Variants in RADIL observed in about 807,000 individuals in gnomAD.
The protein encoded by RADIL is Rap associating with DIL domain.
Under a neutral mutation model 97.6 loss-of-function variants are expected in RADIL, and 99 were observed. The ratio of observed to expected loss-of-function variants is 1.01; its 90% confidence interval spans 0.86 to 1.20. The LOEUF (loss-of-function observed/expected upper bound fraction) is 1.20, where lower values mean the gene tolerates loss of function less well. RADIL is among the 50% of genes most tolerant of loss of function. The pLI, the probability that RADIL is intolerant of heterozygous loss-of-function variation, is 0.00. For synonymous variants in RADIL, 803 were observed against 691.8 expected, an observed-to-expected ratio of 1.16 and a Z score of -2.52; for missense variants, 1,765 against 1,498.9, an observed-to-expected ratio of 1.18 and a Z score of -2.93.
intron 5 of RADIL, among the ~76,000 whole-genome samples, chr7:4,823,016 TA>T (rs1157515308): frequency 6.6e-6 from 1 of 152,176 alleles, no homozygotes; most frequent in African/African-American, 2.4e-5. Flanking sequence ...AAATAAACAA[TA>T]ATAGAGCTAT....
At chr7:4,847,570 T>C (rs1478388503) in intron 2 of RADIL, among the ~76,000 whole-genome samples, 1 of 151,916 alleles carries the variant, frequency 6.6e-6, no homozygotes, top group African/African-American at 2.4e-5. Flanking sequence ...TTATCCAGAA[T>C]AGTCAACAAG....
In RADIL at chr7:4,840,184, G is replaced by A. The variant is rs1455892144; in HGVS notation, c.536-3579C>T. 6.6e-6 allele frequency among the ~76,000 whole-genome samples: 1 copy of A among 152,190 alleles called. No individual in the cohort carries two copies. The highest frequency in any genetic ancestry group is 1.5e-5 in the Non-Finnish European group (1 of 68,038). ...GCACTCTGCTCCCAGGGGGTCGGCT[G>A]TCAGGCTTGTTGGGGGCCGACATGG... On this transcript the variant is annotated intron_variant, in intron 2 of 14. Coordinates refer to ENST00000399583, the MANE Select transcript of RADIL (RefSeq NM_018059.5). The surrounding 1 kb of genome is among the most constrained non-coding windows in gnomAD (Gnocchi z 5.6).
chr7:4,881,068 C>G (rs1784473520), intron 1 of RADIL, among the ~76,000 whole-genome samples: 1 of 135,882 alleles, frequency 7.4e-6, no homozygotes, highest in African/African-American at 2.7e-5. Flanking sequence ...CCACGTCACT[C>G]CAGCCTGGGC....
chr7:4,801,641 G>T lies in RADIL; in HGVS notation c.2842+12C>A. The T allele has an allele frequency of 6.3e-7, 1 of 1,584,718 alleles. No homozygotes were observed. Among genetic ancestry groups the T allele is most frequent in the Non-Finnish European group, 8.6e-7 (1 of 1,167,278 alleles). ...GGGGTGGGTTCCCGCCTGAGCACCAGGCAGGGCTCACCTTCCGGAGCTGCA... is the reference window on the plus strand; with the variant it reads ...GGGGTGGGTTCCCGCCTGAGCACCATGCAGGGCTCACCTTCCGGAGCTGCA... On this transcript the variant is annotated intron_variant, in intron 12 of 14. Transcript: ENST00000399583.
intron 2 of RADIL, among the ~76,000 whole-genome samples, chr7:4,841,562 G>A (rs765956727): frequency 5.1e-4 from 78 of 152,274 alleles, no homozygotes; most frequent in Admixed American, 1.4e-3. Flanking sequence ...CGGCGGGCGC[G>A]GGTCTCCCCT....
intron 5 of RADIL, among the ~76,000 whole-genome samples, chr7:4,829,749 T>G (rs1783088943): frequency 6.6e-6 from 1 of 152,006 alleles, no homozygotes; most frequent in Non-Finnish European, 1.5e-5. Flanking sequence ...AAAGGGTGGT[T>G]CCCCTGAACA....
intron 2 of RADIL, among the ~76,000 whole-genome samples, chr7:4,870,159 A>T (rs1784220650): frequency 6.6e-6 from 1 of 152,164 alleles, no homozygotes; most frequent in South Asian, 2.1e-4. Flanking sequence ...CAACAGCAAC[A>T]ACAACAAAAA....
intron 5 of RADIL, among the ~76,000 whole-genome samples, chr7:4,829,142 A>G (rs912947513): frequency 6.6e-6 from 1 of 151,430 alleles, no homozygotes; most frequent in Non-Finnish European, 1.5e-5. Flanking sequence ...AGCCCACAAG[A>G]TGTCAGGTGC....
intron 2 of RADIL, chr7:4,862,116 C>T (rs2115035296): frequency 3.0e-6 from 1 of 332,354 alleles, no homozygotes; most frequent in East Asian, 4.6e-5. Flanking sequence ...GCTCCTACCG[C>T]TGCGCGGGGG....
At chr7:4,859,694 T>C (rs930055278) in intron 2 of RADIL, 54 of 579,068 alleles carry the variant, frequency 9.3e-5, no homozygotes, top group Non-Finnish European at 1.5e-4. Context: ...TACTGAATTC[T>C]TGATAACAGG....
intron 2 of RADIL, among the ~76,000 whole-genome samples, chr7:4,875,635 C>T (rs1265459411): frequency 1.3e-5 from 2 of 152,338 alleles, no homozygotes; most frequent in East Asian, 1.9e-4. Context: ...CTGTCCCACT[C>T]GCTTTTTGCC....
In RADIL at chr7:4,837,509, T is replaced by A. The variant is rs1783330963; in HGVS notation, c.536-904A>T. On this transcript the variant is annotated intron_variant, in intron 2 of 14. Transcript: ENST00000399583. This position sits in a 1 kb window ranked among gnomAD's most constrained non-coding sequence, Gnocchi z 5.6. ...AGCATCGCTGCCTCCTTCCCAAGGC[T>A]GTCTCTGATACCCCCAAGCCAAAGC... is the stretch of plus-strand genomic sequence containing the variant. 6.6e-6 allele frequency among the ~76,000 whole-genome samples: 1 copy of A among 152,072 alleles called. No individual in the cohort carries two copies. Among genetic ancestry groups the A allele is most frequent in the South Asian group, 2.1e-4 (1 of 4,822 alleles).
intron 5 of RADIL, among the ~76,000 whole-genome samples, chr7:4,826,623 C>T (rs1418055888): frequency 6.6e-6 from 1 of 151,594 alleles, no homozygotes; most frequent in Non-Finnish European, 1.5e-5. Flanking sequence ...ATCCTAGCTA[C>T]TCTGGAGGCT....
Position 4,872,140 on chromosome 7 carries a change from G to A in RADIL, c.535+5465C>T, listed in dbSNP as rs533901586. ...GCAGGTACTCAGCCATATGGTCCCA[G>A]TGGGCAGGGGCTCGTGTGGCCGAGT... On this transcript the variant is annotated intron_variant, in intron 2 of 14. Transcript: ENST00000399583. This position sits in a 1 kb window ranked among gnomAD's most constrained non-coding sequence, Gnocchi z 5.8. Among the ~76,000 whole-genome samples the A allele has an allele frequency of 1.3e-5, 2 of 152,274 alleles. No individual in the cohort carries two copies. Among genetic ancestry groups the A allele is most frequent in the East Asian group, 3.9e-4 (2 of 5,158 alleles).
intron 2 of RADIL, among the ~76,000 whole-genome samples, chr7:4,845,845 C>T (rs1355244032): frequency 6.6e-6 from 1 of 152,204 alleles, no homozygotes; most frequent in Non-Finnish European, 1.5e-5. Context: ...TAGGCAGACA[C>T]AGATGGAGAC....
At chr7:4,860,700 T>G in intron 2 of RADIL, 1 of 1,614,206 alleles carries the variant, frequency 6.2e-7, no homozygotes. Flanking sequence ...TGCTTGTACT[T>G]TTGAAAGAAG....
intron 2 of RADIL, among the ~76,000 whole-genome samples, chr7:4,876,108 C>A (rs1473877243): frequency 1.3e-5 from 2 of 152,168 alleles, no homozygotes; most frequent in African/African-American, 2.4e-5. Flanking sequence ...CCCACCTCAG[C>A]CTCCTGAGGA....
At chr7:4,831,202 A>G (rs1490997331) in intron 5 of RADIL, among the ~76,000 whole-genome samples, 1 of 151,436 alleles carries the variant, frequency 6.6e-6, no homozygotes, top group Non-Finnish European at 1.5e-5. Flanking sequence ...AAAAAAAGAA[A>G]AAAAAAAAAA....
chr7:4,881,753 T>C (rs1475955060), intron 1 of RADIL, among the ~76,000 whole-genome samples: 4 of 149,970 alleles, frequency 2.7e-5, no homozygotes, highest in African/African-American at 9.8e-5. Flanking sequence ...ACAAAAATTA[T>C]AAAAAGGCCC....
Sources: gnomAD v4.1 joint callset for allele counts (sites outside exome capture counted in the v4.1 genomes callset) on GRCh38, gnomAD v4.1.1 for gene constraint, Gnocchi (gnomAD v3.1) non-coding constraint, MANE v1.5 for transcripts, NCBI Gene and HGNC (gene_info 2026-07-23, HGNC 2026-07-21) for gene names.